ADAM28: variants seen among roughly 807,000 people sequenced by gnomAD.
ADAM28 encodes ADAM metallopeptidase domain 28.
ADAM28 carries 105 observed loss-of-function variants against 101.2 expected under a neutral mutation model. That is an observed-to-expected ratio of 1.04 (90% CI 0.89 to 1.22). The LOEUF is 1.22. ADAM28 is among the 50% of genes most tolerant of loss of function. The probability of loss-of-function intolerance (pLI) is 0.00; values close to 1 mark genes in which losing one functional copy is unlikely to be tolerated. For missense variants in ADAM28, 1,028 were observed against 945.4 expected (o/e 1.09, Z -1.15); for synonymous variants, 322 against 310.6 (o/e 1.04, Z -0.39).
chr8:24,300,208 G>T, intron 2 of ADAM28, 131 bp downstream of exon 2: 1 of 571,872 alleles, frequency 1.7e-6, no homozygotes. Context: ...GTGTGTATGT[G>T]TGTGCCTGTG....
chr8:24,335,344 T>C lies in ADAM28; in HGVS notation c.1372-102T>C, dbSNP rs185120769. 6.1e-4 allele frequency: 881 copies of C among 1,444,692 alleles called. 4 individuals carry two copies. The African/African-American group carries it at 0.012, about 19-fold the overall frequency. 89.5% of individuals were successfully genotyped at this position (1,444,692 alleles called of 1,614,324 possible). A position where few individuals can be genotyped will look rare whatever the true frequency, so the allele number is the denominator to read the frequency against. On this transcript the variant is annotated intron_variant, in intron 13 of 22. Coordinates refer to ENST00000265769, the MANE Select transcript of ADAM28 (RefSeq NM_014265.6). The stretch of plus-strand genomic sequence containing the variant: ...TCAGTGAAATGACACCTCCAACTAC[T>C]ATGCCCAAAAAGTCCAAATGGAAAA...
chr8:24,327,684 C>A (rs1812804102), intron 10 of ADAM28, among the ~76,000 whole-genome samples: 1 of 152,086 alleles, frequency 6.6e-6, no homozygotes, highest in South Asian at 2.1e-4. Flanking sequence ...GGGACCAAAA[C>A]AGATATATAG....
intron 18 of ADAM28, among the ~76,000 whole-genome samples, chr8:24,345,486 A>T (rs1815299558): frequency 6.6e-6 from 1 of 152,052 alleles, no homozygotes; most frequent in Admixed American, 6.6e-5. Flanking sequence ...AATGACATTT[A>T]AAATTATTCA....
rs575811782 is a variant in ADAM28, at chr8:24,302,336, C to G, written c.150+2259C>G. Among the ~76,000 whole-genome samples the G allele has an allele frequency of 2.0e-5, 3 of 152,278 alleles. No homozygotes were observed. In the East Asian group the frequency reaches 5.8e-4, roughly 29 times the overall value. On this transcript the variant is annotated intron_variant, in intron 2 of 22. Coordinates refer to ENST00000265769, the MANE Select transcript of ADAM28 (RefSeq NM_014265.6). ...GTACCACATTTCCTTTATCCAGTCT[C>G]TCACTCATGGGCATTTGGGTTGATT...
At chr8:24,315,377 T>C (rs80082962) in intron 6 of ADAM28, among the ~76,000 whole-genome samples, 317 of 152,016 alleles carry the variant, frequency 2.1e-3, no homozygotes, top group African/African-American at 7.4e-3. Context: ...AAAGGACTAA[T>C]ATGAAAAATT....
At chr8:24,309,863 A>G in intron 2 of ADAM28, 31 bp from the exon 3 acceptor site, 14 of 1,417,556 alleles carry the variant, frequency 9.9e-6, no homozygotes, top group Non-Finnish European at 1.4e-5. Flanking sequence ...TATGTTTTTA[A>G]TTACAAGTAA....
chr8:24,353,340 C>T (rs1290802950), intron 21 of ADAM28, among the ~76,000 whole-genome samples: 2 of 152,078 alleles, frequency 1.3e-5, no homozygotes, highest in South Asian at 2.1e-4. Flanking sequence ...GTAAGAATTA[C>T]AGTACATTCA....
At chr8:24,324,140 C>T (rs1477522126) in intron 9 of ADAM28, 137 bp downstream of exon 9, 1 of 653,236 alleles carries the variant, frequency 1.5e-6, no homozygotes, top group Non-Finnish European at 2.3e-6. Context: ...CAAATATGCT[C>T]TTATTTTGGA....
chr8:24,309,842 A>G (rs984284472), intron 2 of ADAM28, 52 bp from the exon 3 acceptor site: 1 of 1,296,160 alleles, frequency 7.7e-7, no homozygotes, highest in Non-Finnish European at 1.1e-6. Context: ...GAAATATAAT[A>G]GTCAAATGAA....
chr8:24,315,108 T>TGGA (rs1330978829), intron 6 of ADAM28, among the ~76,000 whole-genome samples: 6 of 151,884 alleles, frequency 4.0e-5, no homozygotes, highest in African/African-American at 1.4e-4. Flanking sequence ...GTAAATGGAT[T>TGGA]AAATTTTCCA....
At position 24,341,637 on chromosome 8, in the gene ADAM28, G is replaced by A. The variant is rs145453785; in HGVS notation, c.1710G>A (p.Ser570=). The change falls in exon 16 of 23, where the codon TCG becomes TCA. Residue 570 remains serine, a synonymous_variant. Transcript: ENST00000265769. ...MCGKLFCQGG[S]DNLPWKGRIV... is the part of the protein sequence containing the mutation. ...GGAAGTTGTTCTGTCAAGGTGGGTC[G>A]GATAATTTGCCCTGGAAAGGACGGA... is the stretch of plus-strand genomic sequence containing the variant. The A allele has an allele frequency of 2.9e-4, 475 of 1,613,684 alleles. No individual in the cohort carries two copies. Among genetic ancestry groups the A allele is most frequent in the Middle Eastern group, 2.6e-3 (16 of 6,058 alleles).
At chr8:24,319,020 G>A (rs928526514) in intron 6 of ADAM28, among the ~76,000 whole-genome samples, 1 of 151,848 alleles carries the variant, frequency 6.6e-6, no homozygotes, top group African/African-American at 2.4e-5. Context: ...ACCCCTATAC[G>A]ATTGTGGTCC....
intron 14 of ADAM28, chr8:24,336,205 C>A (rs1303129850): frequency 1.1e-6 from 1 of 948,642 alleles, no homozygotes; most frequent in Admixed American, 6.2e-5. Context: ...ATTTTAGAGA[C>A]CATATTCTCT....
At chr8:24,342,862 A>G in intron 16 of ADAM28, 1 of 569,580 alleles carries the variant, frequency 1.8e-6, no homozygotes, top group East Asian at 3.3e-5. Flanking sequence ...TCTGGGATAT[A>G]CAGTTGTTTG....
chr8:24,342,922 G>A, intron 16 of ADAM28, 179 bp from the exon 17 acceptor site: 1 of 1,111,062 alleles, frequency 9.0e-7, no homozygotes, highest in Admixed American at 3.0e-5. Context: ...AACCTTTTTG[G>A]GTTGGTTTAA....
chr8:24,346,398 A>C (rs1815402680), intron 18 of ADAM28, among the ~76,000 whole-genome samples: 1 of 152,108 alleles, frequency 6.6e-6, no homozygotes, highest in Non-Finnish European at 1.5e-5. Flanking sequence ...TCAGAGGTTA[A>C]TAAACACATA....
intron 16 of ADAM28, 33 bp downstream of exon 16, chr8:24,341,790 G>T (rs748221558): frequency 1.9e-6 from 3 of 1,612,802 alleles, no homozygotes; most frequent in Non-Finnish European, 2.5e-6. Context: ...ACTCAAAATA[G>T]TGTTTTTTAC....
At chr8:24,321,389 C>T in intron 8 of ADAM28, 100 bp downstream of exon 8, 1 of 972,260 alleles carries the variant, frequency 1.0e-6, no homozygotes, top group South Asian at 1.3e-5. Flanking sequence ...AAAGTCAAGA[C>T]ATTTGAGACC....
chr8:24,341,543 C>A (rs1814762073), intron 15 of ADAM28, 55 bp from the exon 16 acceptor site: 2 of 1,550,886 alleles, frequency 1.3e-6, no homozygotes, highest in Admixed American at 1.7e-5. Flanking sequence ...AGTCCTAGAG[C>A]ATTTATGTAA....
Sources: allele counts gnomAD v4.1 joint callset (sites outside exome capture counted in the v4.1 genomes callset), GRCh38; gene constraint gnomAD v4.1.1; transcripts MANE v1.5; gene names NCBI Gene and HGNC (gene_info 2026-07-23, HGNC 2026-07-21).